GPR158: variants seen among roughly 807,000 people sequenced by gnomAD.
GPR158 encodes metabotropic glycine receptor.
Under a neutral mutation model 78.2 loss-of-function variants are expected in GPR158, and 30 were observed. The observed-to-expected ratio is 0.38, with a 90% CI of 0.29 to 0.52. The LOEUF (loss-of-function observed/expected upper bound fraction) is 0.52. Among genes scored for constraint, GPR158 ranks in the 20% least tolerant of loss-of-function variants. The pLI, the probability that GPR158 is intolerant of heterozygous loss-of-function variation, is 0.83. For synonymous variants in GPR158, 581 were observed against 591.1 expected (o/e 0.98, Z 0.25); for missense variants, 1,463 against 1,523.5 (o/e 0.96, Z 0.66).
chr10:25,314,539 G>A (rs1328250286), intron 2 of GPR158, among the ~76,000 whole-genome samples: 1 of 151,420 alleles, frequency 6.6e-6, no homozygotes, highest in Non-Finnish European at 1.5e-5. Context: ...ATTTTTTCAA[G>A]AAATGAGGAG....
In GPR158 at chr10:25,302,238, ATTT is replaced by A. The variant is rs58156960; in HGVS notation, c.1008+81098_1008+81100del. 2.5e-3 allele frequency among the ~76,000 whole-genome samples: 339 copies of A among 133,958 alleles called. 1 individual carries two copies. Among genetic ancestry groups the A allele is most frequent in the Middle Eastern group, 0.012 (3 of 252 alleles). The allele number at this position is 133,958 out of a possible 152,430, so 87.9% of individuals were successfully genotyped here. ...AGGTGCCTGCCACCATGCCTGGCTAATTTTTTTTTTTTTTTTTTTGTATTTTTA... is the reference window on the plus strand; with the variant it reads ...AGGTGCCTGCCACCATGCCTGGCTAATTTTTTTTTTTTTTTTGTATTTTTA... On this transcript the variant is annotated intron_variant, in intron 2 of 10. Coordinates refer to ENST00000376351, the MANE Select transcript of GPR158 (RefSeq NM_020752.3).
chr10:25,263,106 TC>T (rs2130735353), intron 2 of GPR158, among the ~76,000 whole-genome samples: 1 of 152,342 alleles, frequency 6.6e-6, no homozygotes, highest in African/African-American at 2.4e-5. Flanking sequence ...TGATATTGTA[TC>T]TAAAAAGTAC....
chr10:25,304,247 C>A (rs1854636319), intron 2 of GPR158, among the ~76,000 whole-genome samples: 1 of 151,866 alleles, frequency 6.6e-6, no homozygotes, highest in Non-Finnish European at 1.5e-5. Context: ...AGTTATATCA[C>A]CTTAGCAACT....
chr10:25,185,465 G>A (rs1298993218), intron 1 of GPR158, among the ~76,000 whole-genome samples: 1 of 152,166 alleles, frequency 6.6e-6, no homozygotes, highest in African/African-American at 2.4e-5. Context: ...GCTAAGCATG[G>A]TTTTACTACC....
At chr10:25,367,219 C>A (rs1314271417) in intron 2 of GPR158, among the ~76,000 whole-genome samples, 1 of 151,474 alleles carries the variant, frequency 6.6e-6, no homozygotes, top group Non-Finnish European at 1.5e-5. Context: ...ATAGGGCTAC[C>A]CAAGGGACCT....
At chr10:25,481,532 T>C (rs1835663397) in intron 5 of GPR158, among the ~76,000 whole-genome samples, 1 of 152,190 alleles carries the variant, frequency 6.6e-6, no homozygotes. Context: ...ATATTCAAAA[T>C]GCATGCTGAG....
At chr10:25,273,983 G>A (rs1446225162) in intron 2 of GPR158, among the ~76,000 whole-genome samples, 3 of 152,216 alleles carry the variant, frequency 2.0e-5, no homozygotes, top group East Asian at 1.9e-4. Context: ...TAGCCTCAAA[G>A]AAAATGTTTT....
chr10:25,320,574 T>G (rs2130477510), intron 2 of GPR158, among the ~76,000 whole-genome samples: 1 of 152,328 alleles, frequency 6.6e-6, no homozygotes, highest in Admixed American at 6.5e-5. Flanking sequence ...TAATGATCTT[T>G]ATGTTTATAA....
intron 2 of GPR158, among the ~76,000 whole-genome samples, chr10:25,265,031 G>A (rs998231133): frequency 6.6e-6 from 1 of 152,118 alleles, no homozygotes; most frequent in African/African-American, 2.4e-5. Flanking sequence ...CTGAAATATG[G>A]AGATTTTGAT....
chr10:25,346,461 AAAATATTTTT>A, intron 2 of GPR158, among the ~76,000 whole-genome samples: 1 of 152,060 alleles, frequency 6.6e-6, no homozygotes, highest in Non-Finnish European at 1.5e-5. Flanking sequence ...CATAATTTAA[AAAATATTTTT>A]AAAAAGATGG....
chr10:25,411,997 A>G (rs1392285201), intron 3 of GPR158, among the ~76,000 whole-genome samples: 1 of 143,204 alleles, frequency 7.0e-6, no homozygotes, highest in African/African-American at 2.5e-5. Flanking sequence ...CCCTGCCCTC[A>G]TGAAGCTTTA....
At chr10:25,445,341 CA>C (rs1835126645) in intron 4 of GPR158, among the ~76,000 whole-genome samples, 1 of 152,050 alleles carries the variant, frequency 6.6e-6, no homozygotes, top group South Asian at 2.1e-4. Context: ...ACAGTATATT[CA>C]AAGAAAGTCA....
chr10:25,365,702 A>G (rs1252530493), intron 2 of GPR158, among the ~76,000 whole-genome samples: 1 of 151,700 alleles, frequency 6.6e-6, no homozygotes, highest in Non-Finnish European at 1.5e-5. Context: ...AAGGAACTAA[A>G]AGATCCTTTG....
chr10:25,283,536 G>T (rs956079764), intron 2 of GPR158, among the ~76,000 whole-genome samples: 2 of 151,634 alleles, frequency 1.3e-5, no homozygotes, highest in Non-Finnish European at 3.0e-5. Flanking sequence ...GGCATAAATG[G>T]GTTAATGTTG....
chr10:25,430,583 G>A lies in GPR158; in HGVS notation c.1335+18110G>A, dbSNP rs1022423522. Among the ~76,000 whole-genome samples, 20 of 151,114 alleles carry A rather than the reference G, an allele frequency of 1.3e-4. 1 individual carries two copies. The highest frequency in any genetic ancestry group is 3.4e-3 in the Middle Eastern group (1 of 294). On this transcript the variant is annotated intron_variant, in intron 4 of 10. Transcript: ENST00000376351. ...ATCCTAAGCCAAAAGAACAAAGCTG[G>A]AGGCATCATGCTACCTAACTTCAAA...
At chr10:25,553,730 T>A (rs1836754203) in intron 6 of GPR158, among the ~76,000 whole-genome samples, 1 of 152,136 alleles carries the variant, frequency 6.6e-6, no homozygotes, top group Non-Finnish European at 1.5e-5. Flanking sequence ...AAGAAACATA[T>A]GGCCCTGAAG....
At chr10:25,555,675 T>C (rs1452366141) in intron 6 of GPR158, among the ~76,000 whole-genome samples, 3 of 152,174 alleles carry the variant, frequency 2.0e-5, no homozygotes, top group Non-Finnish European at 4.4e-5. Flanking sequence ...TGAAAGAACA[T>C]TTTCCTATTT....
intron 6 of GPR158, among the ~76,000 whole-genome samples, chr10:25,561,859 G>A (rs1337449199): frequency 6.6e-6 from 1 of 152,084 alleles, no homozygotes; most frequent in African/African-American, 2.4e-5. Context: ...AAGGAAGGGT[G>A]CATATAAGTT....
chr10:25,244,512 G>C (rs1327389546), intron 2 of GPR158: 2 of 152,228 alleles, frequency 1.3e-5, no homozygotes, highest in Non-Finnish European at 2.9e-5. Flanking sequence ...GATCAGGGAA[G>C]GAGTATGGAA....
Sources: gnomAD v4.1 joint callset for allele counts (sites outside exome capture counted in the v4.1 genomes callset) on GRCh38, gnomAD v4.1.1 for gene constraint, MANE v1.5 for transcripts, NCBI Gene and HGNC (gene_info 2026-07-23, HGNC 2026-07-21) for gene names.